EPC1: variants seen among roughly 807,000 people sequenced by gnomAD.
EPC1 encodes enhancer of polycomb 1, also known as enhancer of polycomb homolog 1.
A neutral mutation model predicts 98.4 loss-of-function variants in EPC1; 12 were observed. The observed-to-expected ratio is 0.12, with a 90% CI of 0.08 to 0.20. EPC1 has a LOEUF of 0.20. EPC1 is among the 10% of genes least tolerant of loss of function. The pLI, the probability that EPC1 is intolerant of heterozygous loss-of-function variation, is 1.00. For missense variants in EPC1, 729 were observed against 990.5 expected (o/e 0.74, Z 3.54); for synonymous variants, 357 against 363.9 (o/e 0.98, Z 0.21).
intron 1 of EPC1, among the ~76,000 whole-genome samples, chr10:32,372,003 A>G (rs1427786852): frequency 6.6e-6 from 1 of 152,224 alleles, no homozygotes; most frequent in Non-Finnish European, 1.5e-5. Flanking sequence ...AAATATGTAT[A>G]TATTAATTCC....
At chr10:32,360,291 C>T (rs574303906) in intron 1 of EPC1, among the ~76,000 whole-genome samples, 1 of 152,256 alleles carries the variant, frequency 6.6e-6, no homozygotes, top group East Asian at 1.9e-4. Flanking sequence ...ACAAGGAGCC[C>T]TGTTGCCTCT....
chr10:32,281,116 C>T (rs1836390349), intron 10 of EPC1, among the ~76,000 whole-genome samples: 3 of 152,144 alleles, frequency 2.0e-5, no homozygotes, highest in South Asian at 2.1e-4. Flanking sequence ...CTCACTGCAA[C>T]GTCTGCCTCC....
Position 32,271,535 on chromosome 10 carries a change from G to A in EPC1, c.2369+19C>T, listed in dbSNP as rs766442083. The A allele has an allele frequency of 6.2e-7, 1 of 1,604,854 alleles. No individual in the cohort carries two copies. The highest frequency in any genetic ancestry group is 1.7e-5 in the Admixed American group (1 of 59,458). On this transcript the variant is annotated intron_variant, in intron 13 of 13. Transcript: ENST00000319778. ...TAGATCTCTTATTCCAGGTATGTTAGGCAAAAATAACTACTCACCTTGGAA... is the reference window on the plus strand; with the variant it reads ...TAGATCTCTTATTCCAGGTATGTTAAGCAAAAATAACTACTCACCTTGGAA...
intron 1 of EPC1, among the ~76,000 whole-genome samples, chr10:32,308,173 G>A (rs1169300976): frequency 6.6e-6 from 1 of 152,148 alleles, no homozygotes; most frequent in African/African-American, 2.4e-5. Context: ...TTGAGCCCAG[G>A]AGTTTGAGAC....
intron 1 of EPC1, among the ~76,000 whole-genome samples, chr10:32,310,494 G>A (rs1287669566): frequency 1.3e-5 from 2 of 152,278 alleles, no homozygotes; most frequent in East Asian, 3.9e-4. Context: ...TGTATGAATA[G>A]TTCTGTAGAA....
chr10:32,305,902 T>G lies in EPC1; in HGVS notation c.183A>C (p.Ala61=). Residue 61 remains alanine (A), a synonymous_variant, in exon 2 of 14, where the codon GCA becomes GCC. Coordinates refer to ENST00000319778, the MANE Select transcript of EPC1 (RefSeq NM_001272004.3). ...CCCTCTTCTCGCCATACACCTGCTG[T>G]GCTGAAATAGCCCGCTGAAGATGAT... ...SEHHLQRAIS[A]QQVYGEKRDN... The G allele has an allele frequency of 6.9e-6, 11 of 1,605,246 alleles. No individual in the cohort carries two copies. Among genetic ancestry groups the G allele is most frequent in the Non-Finnish European group, 9.3e-6 (11 of 1,177,290 alleles).
At chr10:32,270,066 C>T (rs1435826618) in intron 13 of EPC1, among the ~76,000 whole-genome samples, 1 of 152,184 alleles carries the variant, frequency 6.6e-6, no homozygotes, top group African/African-American at 2.4e-5. Flanking sequence ...TGTATTTTCA[C>T]TCAGCCTCAA....
At chr10:32,347,345 C>CG (rs1284862980), upstream of EPC1, 5 of 328,022 alleles carry the variant, frequency 1.5e-5, no homozygotes, top group Non-Finnish European at 2.2e-5. Flanking sequence ...TTCGCGGGTC[C>CG]GGGGGCGGAC....
chr10:32,370,380 G>A (rs1340542641), intron 1 of EPC1, among the ~76,000 whole-genome samples: 4 of 152,260 alleles, frequency 2.6e-5, no homozygotes, highest in African/African-American at 9.6e-5. Flanking sequence ...GGTTTAGTGG[G>A]TTGCTTCAAT....
chr10:32,312,900 CTG>C (rs1004811840), intron 1 of EPC1, among the ~76,000 whole-genome samples: 8 of 152,086 alleles, frequency 5.3e-5, no homozygotes, highest in African/African-American at 1.9e-4. Context: ...GAAATGAGTT[CTG>C]TGTTTCATTC....
chr10:32,306,873 C>G (rs1010636674), intron 1 of EPC1, among the ~76,000 whole-genome samples: 1 of 151,928 alleles, frequency 6.6e-6, no homozygotes, highest in Non-Finnish European at 1.5e-5. Flanking sequence ...CACACACACA[C>G]ACACACACAC....
chr10:32,377,214 G>T (rs1262270902), intron 1 of EPC1: 2 of 152,114 alleles, frequency 1.3e-5, no homozygotes, highest in African/African-American at 2.4e-5. Flanking sequence ...TTCAGTTGAA[G>T]TATCATTTCA....
intron 2 of EPC1, among the ~76,000 whole-genome samples, chr10:32,299,791 T>G (rs1166248108): frequency 6.6e-6 from 1 of 152,238 alleles, no homozygotes; most frequent in African/African-American, 2.4e-5. Context: ...TTGTAATTAA[T>G]GAGTAGTTTG....
chr10:32,299,082 C>A (rs1290668876), intron 2 of EPC1, among the ~76,000 whole-genome samples: 2 of 152,216 alleles, frequency 1.3e-5, no homozygotes, highest in Non-Finnish European at 2.9e-5. Context: ...TTATCATACG[C>A]ACATGTGCTC....
At chr10:32,296,066 G>A (rs1303073980) in intron 2 of EPC1, among the ~76,000 whole-genome samples, 2 of 151,914 alleles carry the variant, frequency 1.3e-5, no homozygotes, top group African/African-American at 4.8e-5. Context: ...TGGGATTACA[G>A]GCACCTGCCA....
intron 1 of EPC1, among the ~76,000 whole-genome samples, chr10:32,322,883 A>G (rs1837015443): frequency 6.6e-6 from 1 of 152,166 alleles, no homozygotes; most frequent in Non-Finnish European, 1.5e-5. Context: ...GTACAAAAAC[A>G]CAGTTAGATG....
chr10:32,369,764 T>C lies in EPC1; in HGVS notation c.3+8727A>G, dbSNP rs191599893. On this transcript the variant is annotated intron_variant, in intron 1 of 13. Coordinates refer to the EPC1 transcript ENST00000375110. ...ATTCTTACTAAGTTTATGTGTATTA[T>C]TGAAACATTAGAGCAAACTTAAGAG... Among the ~76,000 whole-genome samples, 370 of 152,346 alleles carry C rather than the reference T, an allele frequency of 2.4e-3. 2 individuals are homozygous for C. The highest frequency in any genetic ancestry group is 8.7e-3 in the African/African-American group (360 of 41,580).
intron 6 of EPC1, among the ~76,000 whole-genome samples, chr10:32,290,592 ACTT>A (rs1273336231): frequency 1.3e-5 from 2 of 151,598 alleles, no homozygotes; most frequent in African/African-American, 4.8e-5. Flanking sequence ...TTATTTCAAT[ACTT>A]CATAATCCTA....
intron 3 of EPC1, 127 bp downstream of exon 3, chr10:32,293,465 G>T: frequency 1.1e-6 from 1 of 924,860 alleles, no homozygotes; most frequent in Non-Finnish European, 1.6e-6. Context: ...GATGAGATTT[G>T]AATTCATACT....
Sources: gnomAD v4.1 joint callset for allele counts (sites outside exome capture counted in the v4.1 genomes callset) on GRCh38, gnomAD v4.1.1 for gene constraint, MANE v1.5 for transcripts, NCBI Gene and HGNC (gene_info 2026-07-23, HGNC 2026-07-21) for gene names.